Variants in LONP1 observed in about 807,000 individuals in gnomAD.
LONP1 encodes the protein lon peptidase 1, mitochondrial, also known as lon protease homolog, mitochondrial.
In LONP1, 31 loss-of-function variants were observed where a neutral mutation model predicts 98.5. The observed-to-expected ratio is 0.31, with a 90% confidence interval of 0.24 to 0.42. The LOEUF is 0.42. Ranked by LOEUF, LONP1 falls within the 20% of genes least tolerant of loss-of-function variation. LONP1 has a pLI of 1.00. For missense variants in LONP1, 1,336 were observed against 1,350.6 expected, an observed-to-expected ratio of 0.99 and a Z score of 0.17; for synonymous variants, 781 against 594.7, an observed-to-expected ratio of 1.31 and a Z score of -4.56.
At chr19:5,711,630 T>C in intron 4 of LONP1, 141 bp downstream of exon 4, 1 of 663,498 alleles carries the variant, frequency 1.5e-6, no homozygotes, top group Non-Finnish European at 2.6e-6. Flanking sequence ...CTATGTTCCA[T>C]TAGAATTGAG....
rs191785026 is a variant in LONP1, at chr19:5,718,985, C to A, written c.429+719G>T. 1.6e-3 allele frequency among the ~76,000 whole-genome samples: 251 copies of A among 152,292 alleles called. 3 individuals carry two copies. The highest frequency in any genetic ancestry group is 5.8e-3 in the African/African-American group (243 of 41,560). ...CTGTCCCATCCATGCTCTACTATTT[C>A]TCGTAATTATTGCCTTCTAATACAA... is the stretch of plus-strand genomic sequence containing the variant. On this transcript the variant is annotated intron_variant, in intron 1 of 17. Coordinates refer to ENST00000360614, the MANE Select transcript of LONP1 (RefSeq NM_004793.4).
chr19:5,719,466 C>G (rs1350339042), intron 1 of LONP1, among the ~76,000 whole-genome samples: 1 of 152,190 alleles, frequency 6.6e-6, no homozygotes, highest in Non-Finnish European at 1.5e-5. Context: ...GTGGATAATC[C>G]TAGGCTCATC....
chr19:5,691,993 A>AGGGCCTGACATCCAGTTCTGGCCCAGACC lies in LONP1; in HGVS notation c.*38_*39insGGTCTGGGCCAGAACTGGATGTCAGGCCC. ...CACAGCGCTCAGTTCTGGCCCAGAC[A>AGGGCCTGACATCCAGTTCTGGCCCAGACC]GGGCCTGACATCCGCCGCCTGCAGT... On this transcript the variant is annotated 3_prime_UTR_variant, in exon 18 of 18. Coordinates refer to ENST00000360614, the MANE Select transcript of LONP1 (RefSeq NM_004793.4). 1 of 1,590,172 alleles carries AGGGCCTGACATCCAGTTCTGGCCCAGACC rather than the reference A, an allele frequency of 6.3e-7. No individual in the cohort carries two copies. Among genetic ancestry groups the AGGGCCTGACATCCAGTTCTGGCCCAGACC allele is most frequent in the Non-Finnish European group, 8.6e-7 (1 of 1,167,268 alleles).
At chr19:5,695,897 C>T (rs1010145346) in intron 13 of LONP1, among the ~76,000 whole-genome samples, 157 bp downstream of exon 13, 1 of 151,982 alleles carries the variant, frequency 6.6e-6, no homozygotes, top group South Asian at 2.1e-4. Flanking sequence ...TGCTCGCAAG[C>T]GTCTGGTGTG....
chr19:5,700,700 C>A (rs1192440534), intron 9 of LONP1, 89 bp downstream of exon 9: 4 of 1,539,466 alleles, frequency 2.6e-6, no homozygotes, highest in East Asian at 2.3e-5. Context: ...CACCAGGGGG[C>A]TCCTTTGAAA....
chr19:5,715,510 C>T lies in LONP1; in HGVS notation c.430-1239G>A, dbSNP rs578108908. Among the ~76,000 whole-genome samples the T allele has an allele frequency of 9.6e-4, 145 of 150,334 alleles. 1 individual carries two copies. The highest frequency in any genetic ancestry group is 3.4e-3 in the African/African-American group (140 of 41,028). ...TACAAAAATTAGCCGGGCGTGGTGG[C>T]GGGCACCTGTAGTCCCAGCTACTCG... On this transcript the variant is annotated intron_variant, in intron 1 of 17. Coordinates refer to ENST00000360614, the MANE Select transcript of LONP1 (RefSeq NM_004793.4).
intron 8 of LONP1, among the ~76,000 whole-genome samples, 200 bp downstream of exon 8, chr19:5,705,572 C>A (rs937012511): frequency 6.6e-6 from 1 of 152,100 alleles, no homozygotes; most frequent in African/African-American, 2.4e-5. Context: ...CAGCCCCGAG[C>A]CTCGATTTCC....
chr19:5,707,340 C>T (rs915016176), intron 6 of LONP1, among the ~76,000 whole-genome samples, 197 bp from the exon 7 acceptor site: 1 of 152,214 alleles, frequency 6.6e-6, no homozygotes, highest in Admixed American at 6.5e-5. Flanking sequence ...ACTTCACAGG[C>T]CCTCCAGCTG....
intron 1 of LONP1, among the ~76,000 whole-genome samples, chr19:5,716,844 A>G (rs961080576): frequency 6.6e-6 from 1 of 152,192 alleles, no homozygotes; most frequent in Non-Finnish European, 1.5e-5. Context: ...CCCAGGCTAG[A>G]GCGCAGTGGA....
At chr19:5,703,231 G>C (rs1487388345) in intron 8 of LONP1, among the ~76,000 whole-genome samples, 1 of 151,712 alleles carries the variant, frequency 6.6e-6, no homozygotes, top group Non-Finnish European at 1.5e-5. Flanking sequence ...AAAGCACCCA[G>C]TGCAGGAAGG....
At chr19:5,716,452 G>A (rs868451685) in intron 1 of LONP1, among the ~76,000 whole-genome samples, 15 of 151,000 alleles carry the variant, frequency 9.9e-5, no homozygotes, top group South Asian at 2.1e-4. Context: ...TGATGCCGAT[G>A]CTGCTGGTCC....
intron 3 of LONP1, 38 bp from the exon 4 acceptor site, chr19:5,712,040 A>G: frequency 1.3e-6 from 2 of 1,557,616 alleles, no homozygotes; most frequent in South Asian, 1.1e-5. Flanking sequence ...TCAGCCGCTG[A>G]GGCTGGGAGC....
intron 8 of LONP1, among the ~76,000 whole-genome samples, chr19:5,704,884 G>A (rs1159095025): frequency 1.3e-5 from 2 of 152,260 alleles, no homozygotes; most frequent in African/African-American, 2.4e-5. Context: ...GCTTAGGCCA[G>A]GCGTGGTGGC....
At chr19:5,696,466 G>A (rs2054930999) in intron 11 of LONP1, 95 bp from the exon 12 acceptor site, 8 of 1,506,696 alleles carry the variant, frequency 5.3e-6, no homozygotes, top group Non-Finnish European at 7.2e-6. Flanking sequence ...GAGACCCCGA[G>A]TGAGAGCGGC....
chr19:5,695,675 C>T (rs1599447133), intron 13 of LONP1, among the ~76,000 whole-genome samples: 1 of 152,284 alleles, frequency 6.6e-6, no homozygotes, highest in East Asian at 1.9e-4. Flanking sequence ...TCACTGAAAC[C>T]ACTTCTCCTC....
chr19:5,702,168 T>C (rs2055061287), intron 8 of LONP1, among the ~76,000 whole-genome samples: 1 of 145,522 alleles, frequency 6.9e-6, no homozygotes, highest in Admixed American at 6.8e-5. Flanking sequence ...GAGGAGCCCC[T>C]CTGCCCGGCC....
upstream of LONP1, chr19:5,720,377 C>T (rs144543071): frequency 4.9e-6 from 3 of 615,664 alleles, no homozygotes; most frequent in Non-Finnish European, 8.0e-6. Context: ...TGAGCAGGCG[C>T]CAGCGCCCGT....
At chr19:5,712,206 C>A (rs2055250207) in intron 3 of LONP1, 1 of 563,506 alleles carries the variant, frequency 1.8e-6, no homozygotes, top group Non-Finnish European at 3.1e-6. Context: ...ACCCCTTAGA[C>A]TCCAGCCAGA....
chr19:5,719,712 T>C lies in LONP1; in HGVS notation c.421A>G (p.Ile141Val). 3 of 1,613,860 alleles carry C rather than the reference T, an allele frequency of 1.9e-6. No homozygotes were observed. Among genetic ancestry groups the C allele is most frequent in the Non-Finnish European group, 2.5e-6 (3 of 1,180,026 alleles). The stretch of plus-strand genomic sequence containing the variant: ...GCGGGGACTCCCATTACCTCGATAA[T>C]CTTGATAAAGCGCGGGAACACCGGG... The part of the protein sequence containing the change: ...RNPVFPRFIK[I>V]IEVKNKKLVE... Residue 141 changes from isoleucine (I) to valine (V), a missense_variant, in exon 1 of 18, where the codon ATT becomes GTT. Ile to Val is a conservative substitution (Grantham distance 29). Around this residue, in one of 5 missense-constraint regions of LONP1, gnomAD observed 457 missense variants for 403.1 expected, o/e 1.13. Transcript: ENST00000360614.
Sources: gnomAD v4.1 joint callset for allele counts (sites outside exome capture counted in the v4.1 genomes callset) on GRCh38, gnomAD v4.1.1 for gene constraint, gnomAD v4.1.1 regional missense constraint, MANE v1.5 for transcripts, NCBI Gene and HGNC (gene_info 2026-07-23, HGNC 2026-07-21) for gene names.